ANKMY2: variants seen among roughly 807,000 people sequenced by gnomAD.
ANKMY2 encodes ankyrin repeat and MYND domain-containing protein 2.
In ANKMY2, 36 loss-of-function variants were observed where a neutral mutation model predicts 50.4. The ratio of observed to expected loss-of-function variants is 0.71; its 90% CI spans 0.55 to 0.94. The LOEUF is 0.94. ANKMY2 is among the 40% of genes least tolerant of loss of function. The pLI is 0.00. For missense variants in ANKMY2, 565 were observed against 524.0 expected (o/e 1.08, Z -0.76); for synonymous variants, 187 against 178.8 (o/e 1.05, Z -0.36).
chr7:16,609,651 T>G lies in ANKMY2; in HGVS notation c.861A>C (p.Arg287=), dbSNP rs1781214348. 1 of 1,608,972 alleles carries G rather than the reference T, an allele frequency of 6.2e-7. No homozygotes were observed. Among genetic ancestry groups the G allele is most frequent in the South Asian group, 1.1e-5 (1 of 89,972 alleles). The part of the protein sequence containing the change: ...CEATLLQQLV[R]SIAPVEIGSD... ...TTACAATTTCAACAGGAGCAATGCT[T>G]CGAACCAGCTGCTGGAGGAGTGTAG... Residue 287 remains arginine, a synonymous_variant, in exon 7 of 10, where the codon CGA becomes CGC. Coordinates refer to ENST00000306999, the MANE Select transcript of ANKMY2 (RefSeq NM_020319.3).
chr7:16,621,152 C>T (rs1781429477), intron 4 of ANKMY2, among the ~76,000 whole-genome samples: 1 of 152,128 alleles, frequency 6.6e-6, no homozygotes, highest in African/African-American at 2.4e-5. Flanking sequence ...TAGCTTTTCT[C>T]TTTATTATCC....
chr7:16,645,514 G>A lies in ANKMY2; in HGVS notation c.60C>T (p.Ile20=), dbSNP rs367957713. 1 of 1,610,912 alleles carries A rather than the reference G, an allele frequency of 6.2e-7. No homozygotes were observed. Among genetic ancestry groups the A allele is most frequent in the South Asian group, 1.1e-5 (1 of 90,576 alleles). ...TQEEKELLEV[I]GKGTVQEAGT... ...GCAGCCCAGCACCCGTACCTTTCCC[G>A]ATGACTTCCAGTAGCTCCTTCTCCT... The change falls in exon 1 of 10, where the codon ATC becomes ATT. Residue 20 remains isoleucine, a synonymous_variant. Transcript: ENST00000306999.
intron 2 of ANKMY2, 139 bp downstream of exon 2, chr7:16,636,252 A>C (rs1781656903): frequency 4.7e-6 from 3 of 635,288 alleles, no homozygotes; most frequent in Non-Finnish European, 7.6e-6. Flanking sequence ...GCAGTGAGCC[A>C]AAATTGTGCC....
At chr7:16,624,154 G>C (rs1005192793) in intron 4 of ANKMY2, among the ~76,000 whole-genome samples, 1 of 152,076 alleles carries the variant, frequency 6.6e-6, no homozygotes, top group Admixed American at 6.5e-5. Context: ...CTATAACCAA[G>C]ACACCTACAG....
In ANKMY2 at chr7:16,609,611, T is replaced by C. The variant is rs757036814; in HGVS notation, c.882+19A>G. ...TTAGGTTTTACTGATAGAGTCAACT[T>C]AGGTAAGAGGAGCCTTACAATTTCA... On this transcript the variant is annotated intron_variant, in intron 7 of 9. Coordinates refer to ENST00000306999, the MANE Select transcript of ANKMY2 (RefSeq NM_020319.3). 10 of 1,583,906 alleles carry C rather than the reference T, an allele frequency of 6.3e-6. No individual in the cohort carries two copies. The highest frequency in any genetic ancestry group is 8.5e-6 in the Non-Finnish European group (10 of 1,171,484).
At chr7:16,616,555 A>AAGTGTGCTCCT (rs1781352753) in intron 4 of ANKMY2, among the ~76,000 whole-genome samples, 1 of 134,548 alleles carries the variant, frequency 7.4e-6, no homozygotes. Flanking sequence ...GCTGGTTTGC[A>AAGTGTGCTCCT]AGTGTGCTCC....
intron 8 of ANKMY2, among the ~76,000 whole-genome samples, chr7:16,604,262 T>C (rs1331537105): frequency 6.6e-6 from 1 of 152,166 alleles, no homozygotes; most frequent in Non-Finnish European, 1.5e-5. Flanking sequence ...GTACAGTCCA[T>C]AGGGATTAAA....
At chr7:16,622,903 A>C (rs1781460983) in intron 4 of ANKMY2, among the ~76,000 whole-genome samples, 1 of 152,226 alleles carries the variant, frequency 6.6e-6, no homozygotes, top group South Asian at 2.1e-4. Flanking sequence ...AACATAGAAA[A>C]TCAAGGATGA....
intron 4 of ANKMY2, among the ~76,000 whole-genome samples, chr7:16,619,830 C>T (rs1352592952): frequency 6.6e-6 from 1 of 152,170 alleles, no homozygotes; most frequent in Non-Finnish European, 1.5e-5. Flanking sequence ...TTAATAGGAA[C>T]ACACACATAC....
chr7:16,614,066 G>A (rs1781301543), intron 5 of ANKMY2, among the ~76,000 whole-genome samples: 1 of 152,150 alleles, frequency 6.6e-6, no homozygotes, highest in Non-Finnish European at 1.5e-5. Flanking sequence ...CTCAGGCAGT[G>A]GAGGAACAAG....
chr7:16,604,633 T>A, intron 8 of ANKMY2, 88 bp downstream of exon 8: 17 of 1,474,384 alleles, frequency 1.2e-5, no homozygotes, highest in Non-Finnish European at 1.5e-5. Flanking sequence ...AAAACTAATG[T>A]CCACTCTTAC....
chr7:16,609,925 T>A lies in ANKMY2; in HGVS notation c.747-160A>T, dbSNP rs775632002. ...AGTTCAAATTGCTGTTCAACCTATA[T>A]GTTAGGCTAGGCCTTATAAGGTTTT... On this transcript the variant is annotated intron_variant, in intron 6 of 9. Transcript: ENST00000306999. Among the ~76,000 whole-genome samples, 129 of 152,192 alleles carry A rather than the reference T, an allele frequency of 8.5e-4. No homozygotes were observed. The highest frequency in any genetic ancestry group is 1.5e-3 in the Non-Finnish European group (101 of 68,030).
chr7:16,636,261 C>A (rs868536031), intron 2 of ANKMY2, 130 bp downstream of exon 2: 1 of 654,254 alleles, frequency 1.5e-6, no homozygotes. Flanking sequence ...CAAAATTGTG[C>A]CACTGCATTC....
chr7:16,602,653 G>A (rs368232989), intron 8 of ANKMY2, 144 bp from the exon 9 acceptor site: 14 of 1,123,082 alleles, frequency 1.2e-5, no homozygotes, highest in East Asian at 1.0e-4. Context: ...ATATAGTTTG[G>A]ATGTTGTCCC....
chr7:16,613,387 G>A (rs1265774049), intron 5 of ANKMY2, among the ~76,000 whole-genome samples: 1 of 152,090 alleles, frequency 6.6e-6, no homozygotes, highest in Admixed American at 6.6e-5. Flanking sequence ...TAAAAAGGGG[G>A]TAGAGCAATA....
chr7:16,621,061 C>A (rs577648345), intron 4 of ANKMY2, among the ~76,000 whole-genome samples: 1 of 152,056 alleles, frequency 6.6e-6, no homozygotes, highest in Non-Finnish European at 1.5e-5. Context: ...GAAGCAAATT[C>A]AAATAGAAAT....
chr7:16,636,416 T>G lies in ANKMY2; in HGVS notation c.107A>C (p.Asn36Thr). Residue 36 changes from asparagine (N) to threonine (T), a missense_variant, in exon 2 of 10, where the codon AAT (asparagine) becomes ACT (threonine). Asn to Thr is a moderately conservative substitution (Grantham distance 65, BLOSUM62 0). Transcript: ENST00000306999. ...CTCGTCCAAACAGTTGACACGAACATTCTTGCTGGATAATAATGTTCCAGC... is the reference window on the plus strand; with the variant it reads ...CTCGTCCAAACAGTTGACACGAACAGTCTTGCTGGATAATAATGTTCCAGC... ...QEAGTLLSSK[N>T]VRVNCLDENG... 1.3e-6 allele frequency: 2 copies of G among 1,595,454 alleles called. No homozygotes were observed. Among genetic ancestry groups the G allele is most frequent in the South Asian group, 1.1e-5 (1 of 88,910 alleles).
At chr7:16,608,054 CAT>C in intron 7 of ANKMY2, among the ~76,000 whole-genome samples, 1 of 152,000 alleles carries the variant, frequency 6.6e-6, no homozygotes, top group East Asian at 1.9e-4. Context: ...ACCATGAGAT[CAT>C]AAGTATGCAT....
At chr7:16,609,254 C>T (rs1781207328) in intron 7 of ANKMY2, among the ~76,000 whole-genome samples, 1 of 152,052 alleles carries the variant, frequency 6.6e-6, no homozygotes, top group South Asian at 2.1e-4. Context: ...ACACTATCCC[C>T]CTAGGTGATC....
Sources: gnomAD v4.1 joint callset for allele counts (sites outside exome capture counted in the v4.1 genomes callset) on GRCh38, gnomAD v4.1.1 for gene constraint, MANE v1.5 for transcripts, NCBI Gene and HGNC (gene_info 2026-07-23, HGNC 2026-07-21) for gene names.